HMGCLL1: variants seen among roughly 807,000 people sequenced by gnomAD.
The protein encoded by HMGCLL1 is 3-hydroxymethyl-3-methylglutaryl-CoA lyase, cytoplasmic.
HMGCLL1 carries 36 observed loss-of-function variants against 39.1 expected under a neutral mutation model. The ratio of observed to expected loss-of-function variants is 0.92; its 90% confidence interval spans 0.71 to 1.22. HMGCLL1 has a LOEUF of 1.22. Ranked by LOEUF, HMGCLL1 falls within the 50% of genes most tolerant of loss-of-function variation. The pLI is 0.00. For synonymous variants in HMGCLL1, 149 were observed against 144.0 expected, an observed-to-expected ratio of 1.03 and a Z score of -0.25; for missense variants, 451 against 416.5, an observed-to-expected ratio of 1.08 and a Z score of -0.72.
chr6:55,570,721 A>G (rs1335937882), intron 1 of HMGCLL1, among the ~76,000 whole-genome samples: 1 of 152,226 alleles, frequency 6.6e-6, no homozygotes. Context: ...CTATAGGGTC[A>G]TAAAAGGGGC....
chr6:55,501,719 T>A (rs1416417198), intron 5 of HMGCLL1, among the ~76,000 whole-genome samples: 1 of 151,810 alleles, frequency 6.6e-6, no homozygotes, highest in Non-Finnish European at 1.5e-5. Context: ...GTGGATGAAA[T>A]CCAACCACCA....
the HMGCLL1 span, among the ~76,000 whole-genome samples, chr6:55,602,127 T>C: frequency 1.1e-3 from 160 of 152,222 alleles, no homozygotes; most frequent in African/African-American, 3.8e-3. Context: ...AAGATTATGA[T>C]AAATAAAAAT....
the HMGCLL1 span, among the ~76,000 whole-genome samples, chr6:55,621,431 C>G: frequency 2.3e-4 from 35 of 151,996 alleles, no homozygotes; most frequent in Non-Finnish European, 4.4e-4. Context: ...TTTATAGCTG[C>G]TCCCCATTGC....
At chr6:55,523,382 A>G (rs2127443192) in intron 3 of HMGCLL1, among the ~76,000 whole-genome samples, 1 of 152,104 alleles carries the variant, frequency 6.6e-6, no homozygotes, top group South Asian at 2.1e-4. Flanking sequence ...AATTGCTTTG[A>G]CTGCTCTATA....
intron 7 of HMGCLL1, among the ~76,000 whole-genome samples, chr6:55,492,346 G>A (rs915876256): frequency 1.3e-5 from 2 of 152,092 alleles, no homozygotes; most frequent in Middle Eastern, 3.2e-3. Context: ...CTCCTCTAAA[G>A]TTAAACCTGC....
chr6:55,531,144 A>G (rs771417723), intron 3 of HMGCLL1, among the ~76,000 whole-genome samples: 10 of 152,232 alleles, frequency 6.6e-5, no homozygotes, highest in Non-Finnish European at 1.3e-4. Flanking sequence ...CACACTGGAA[A>G]TAAGTATTAC....
At chr6:55,635,986 G>A in the HMGCLL1 span, among the ~76,000 whole-genome samples, 2 of 152,064 alleles carry the variant, frequency 1.3e-5, no homozygotes, top group Admixed American at 6.6e-5. Context: ...CTAATAAGAA[G>A]TAGCTGGAAG....
chr6:55,492,571 T>C (rs1481113747), intron 7 of HMGCLL1, among the ~76,000 whole-genome samples: 1 of 152,260 alleles, frequency 6.6e-6, no homozygotes, highest in African/African-American at 2.4e-5. Context: ...GTCTTTCTTA[T>C]GATATCAATG....
intron 5 of HMGCLL1, among the ~76,000 whole-genome samples, chr6:55,500,890 G>C (rs1766847639): frequency 6.6e-6 from 1 of 151,886 alleles, no homozygotes; most frequent in Non-Finnish European, 1.5e-5. Flanking sequence ...ATCTAGATGT[G>C]AGTAAATAGA....
intron 7 of HMGCLL1, among the ~76,000 whole-genome samples, chr6:55,471,489 T>C (rs1433370912): frequency 6.6e-6 from 1 of 151,756 alleles, no homozygotes; most frequent in Non-Finnish European, 1.5e-5. Context: ...ATGTGAGAGT[T>C]TCTGTAAGTC....
At chr6:55,586,397 G>GT in the HMGCLL1 span, among the ~76,000 whole-genome samples, 23,275 of 150,250 alleles carry the variant, frequency 0.15, 2,168 homozygotes, top group East Asian at 0.3. Context: ...ATGGAAATCA[G>GT]TTTTTTTTTT....
the HMGCLL1 span, among the ~76,000 whole-genome samples, chr6:55,632,463 T>C: frequency 6.6e-6 from 1 of 151,046 alleles, no homozygotes; most frequent in Non-Finnish European, 1.5e-5. Flanking sequence ...AAGTTATATA[T>C]ATAATTCATG....
At chr6:55,543,453 AT>A (rs1769725091) in intron 1 of HMGCLL1, among the ~76,000 whole-genome samples, 2 of 11,992 alleles carry the variant, frequency 1.7e-4, no homozygotes, top group South Asian at 2.5e-3. Flanking sequence ...GATATATATG[AT>A]ATATATCATA....
chr6:55,484,677 C>A (rs990112706), intron 7 of HMGCLL1, among the ~76,000 whole-genome samples: 2 of 152,142 alleles, frequency 1.3e-5, no homozygotes, highest in Non-Finnish European at 2.9e-5. Context: ...CACTCTACAT[C>A]TAATTCATCA....
rs78336027 is a variant in HMGCLL1 at position 55,540,352 on chromosome 6, T to G, written c.297+1377A>C. 8.3e-3 allele frequency among the ~76,000 whole-genome samples: 1,256 copies of G among 152,196 alleles called. 20 individuals are homozygous for G. The highest frequency in any genetic ancestry group is 0.029 in the African/African-American group (1,202 of 41,528). ...AATATGTTGAAATCCTAACCTGTAA[T>G]GTGATAATATTAAAAAGAAGGATCT... is the stretch of plus-strand genomic sequence containing the variant. On this transcript the variant is annotated intron_variant, in intron 3 of 8. Coordinates refer to ENST00000274901, the MANE Select transcript of HMGCLL1 (RefSeq NM_001042406.2).
At chr6:55,482,816 T>A (rs1182215382) in intron 7 of HMGCLL1, among the ~76,000 whole-genome samples, 1 of 152,146 alleles carries the variant, frequency 6.6e-6, no homozygotes, top group South Asian at 2.1e-4. Flanking sequence ...ATATTTTCCA[T>A]ATCCCGCAAG....
chr6:55,538,569 A>G (rs2127454025), intron 3 of HMGCLL1, among the ~76,000 whole-genome samples: 1 of 152,288 alleles, frequency 6.6e-6, no homozygotes, highest in East Asian at 1.9e-4. Flanking sequence ...GTGTTTTCCT[A>G]AAAAATAGTT....
At chr6:55,501,792 T>A (rs144372322) in intron 5 of HMGCLL1, among the ~76,000 whole-genome samples, 1 of 151,900 alleles carries the variant, frequency 6.6e-6, no homozygotes, top group African/African-American at 2.4e-5. Flanking sequence ...ATCACTCAAC[T>A]ATTAGCAATA....
chr6:55,675,258 T>C, the HMGCLL1 span, among the ~76,000 whole-genome samples: 1 of 152,046 alleles, frequency 6.6e-6, no homozygotes, highest in African/African-American at 2.4e-5. Flanking sequence ...AAAGAAAAAA[T>C]ACTAGAGAAC....
Sources: allele counts gnomAD v4.1 joint callset (sites outside exome capture counted in the v4.1 genomes callset), GRCh38; gene constraint gnomAD v4.1.1; transcripts MANE v1.5; gene names NCBI Gene and HGNC (gene_info 2026-07-23, HGNC 2026-07-21).